PLD5: variants seen among roughly 807,000 people sequenced by gnomAD.
PLD5 encodes the protein phospholipase D family member 5.
In PLD5, 36 loss-of-function variants were observed where a neutral mutation model predicts 61.1. The observed-to-expected ratio is 0.59, with a 90% CI of 0.45 to 0.78. The LOEUF (loss-of-function observed/expected upper bound fraction) is 0.78, where lower values mean the gene tolerates loss of function less well. PLD5 is among the 30% of genes least tolerant of loss of function. PLD5 has a pLI of 0.00. For synonymous variants in PLD5, 243 were observed against 242.8 expected, an observed-to-expected ratio of 1.00 and a Z score of -0.01; for missense variants, 515 against 644.4, an observed-to-expected ratio of 0.80 and a Z score of 2.17.
chr1:242,264,127 G>A (rs564459822), intron 4 of PLD5, among the ~76,000 whole-genome samples: 1 of 152,030 alleles, frequency 6.6e-6, no homozygotes, highest in South Asian at 2.1e-4. Flanking sequence ...AAAAAAAAGT[G>A]TTCTCTAACA....
chr1:242,099,557 G>A (rs147628261), intron 9 of PLD5, among the ~76,000 whole-genome samples: 1,550 of 152,344 alleles, frequency 0.01, 13 homozygotes, highest in Non-Finnish European at 0.017. Flanking sequence ...TGCAGGGGCG[G>A]GAGGCAGTGG....
In PLD5 at chr1:242,105,225, T is replaced by TG. The variant is rs1470649249; in HGVS notation, c.1239+2445_1239+2446insC. ...GAATTGTTTGTACTGTGTGTTGGTT[T>TG]TTTTTTTTTTCCTTCAGAGACAGGG... On this transcript the variant is annotated intron_variant, in intron 8 of 9. Coordinates refer to ENST00000536534, the MANE Select transcript of PLD5 (RefSeq NM_001372062.1). 4.0e-5 allele frequency among the ~76,000 whole-genome samples: 6 copies of TG among 151,136 alleles called. No homozygotes were observed. The South Asian group carries it at 1.3e-3, about 32-fold the overall frequency.
chr1:242,493,667 G>A (rs965777769), intron 1 of PLD5, among the ~76,000 whole-genome samples: 1 of 152,044 alleles, frequency 6.6e-6, no homozygotes, highest in African/African-American at 2.4e-5. Context: ...CTGCCAGGAT[G>A]GGCCCTGTGG....
chr1:242,353,398 C>T (rs1372732368), intron 1 of PLD5, among the ~76,000 whole-genome samples: 2 of 152,054 alleles, frequency 1.3e-5, no homozygotes, highest in Non-Finnish European at 2.9e-5. Context: ...TTTGCCAGTA[C>T]TATGTTGCTT....
chr1:242,227,440 T>C (rs1382404438), intron 4 of PLD5, among the ~76,000 whole-genome samples: 1 of 152,072 alleles, frequency 6.6e-6, no homozygotes, highest in Non-Finnish European at 1.5e-5. Context: ...TCTTGGCTCA[T>C]TGCAACCTCT....
In PLD5 at chr1:242,425,331, TGAA is replaced by T. The variant is rs1288958237; in HGVS notation, c.190-77092_190-77090del. The stretch of plus-strand genomic sequence containing the variant: ...AAACCTGTGTAGCATGTAACTGTCC[TGAA>T]TACCGTAGGGAATTATAACACAATG... On this transcript the variant is annotated intron_variant, in intron 1 of 9. Transcript: ENST00000536534. 7.9e-5 allele frequency among the ~76,000 whole-genome samples: 12 copies of T among 152,320 alleles called. No homozygotes were observed. In the East Asian group the frequency reaches 2.3e-3, roughly 29 times the overall value.
intron 9 of PLD5, among the ~76,000 whole-genome samples, chr1:242,099,279 T>C (rs1275257714): frequency 1.3e-5 from 2 of 151,896 alleles, no homozygotes; most frequent in African/African-American, 4.8e-5. Context: ...CCCACCACCA[T>C]GTCCAGCAAA....
At chr1:242,431,676 G>A (rs770460276) in intron 1 of PLD5, among the ~76,000 whole-genome samples, 4 of 152,182 alleles carry the variant, frequency 2.6e-5, no homozygotes, top group Non-Finnish European at 4.4e-5. Flanking sequence ...TGTAAACAAG[G>A]TAATAGAAAT....
intron 5 of PLD5, among the ~76,000 whole-genome samples, chr1:242,140,812 A>T (rs1664105786): frequency 6.6e-6 from 1 of 151,826 alleles, no homozygotes; most frequent in South Asian, 2.1e-4. Context: ...TTGGCCTTAG[A>T]GGATGGGCTG....
chr1:242,340,293 A>T lies in PLD5; in HGVS notation c.326+7813T>A, dbSNP rs572291140. Among the ~76,000 whole-genome samples, 25 of 152,302 alleles carry T rather than the reference A, an allele frequency of 1.6e-4. No individual in the cohort carries two copies. The East Asian group carries it at 4.2e-3, about 26-fold the overall frequency. On this transcript the variant is annotated intron_variant, in intron 2 of 9. Transcript: ENST00000536534. ...TTTTCTTTTTTTAGGCAGTCAGAAG[A>T]GTGCTCAGATATCAAATAAGGAGCC...
chr1:242,499,875 A>G (rs1875759), intron 1 of PLD5, among the ~76,000 whole-genome samples: 12,186 of 152,188 alleles, frequency 0.08, 1,226 homozygotes, highest in African/African-American at 0.24. Context: ...TGACTGGAAT[A>G]GCTAACTACA....
chr1:242,397,731 C>A (rs1663676208), intron 1 of PLD5, among the ~76,000 whole-genome samples: 1 of 151,826 alleles, frequency 6.6e-6, no homozygotes, highest in South Asian at 2.1e-4. Context: ...AATATCATCT[C>A]CTGTGGGAAT....
intron 1 of PLD5, among the ~76,000 whole-genome samples, chr1:242,481,113 T>C (rs1451044788): frequency 6.6e-6 from 1 of 152,196 alleles, no homozygotes; most frequent in Non-Finnish European, 1.5e-5. Flanking sequence ...ACTGCTCCAG[T>C]GTACAGCTCC....
At chr1:242,302,629 G>A (rs1269351969) in intron 2 of PLD5, among the ~76,000 whole-genome samples, 2 of 152,200 alleles carry the variant, frequency 1.3e-5, no homozygotes, top group African/African-American at 2.4e-5. Flanking sequence ...TGAGGCAGGA[G>A]GATTGCTTGA....
At chr1:242,370,629 T>TAC in intron 1 of PLD5, among the ~76,000 whole-genome samples, 1 of 152,152 alleles carries the variant, frequency 6.6e-6, no homozygotes, top group Non-Finnish European at 1.5e-5. Context: ...AGTAGAGAAT[T>TAC]AGGGATTCCC....
rs1439332946 is a variant in PLD5 at position 242,290,003 on chromosome 1, C to T, written c.327-1473G>A. 2.7e-5 allele frequency among the ~76,000 whole-genome samples: 4 copies of T among 150,434 alleles called. No individual in the cohort carries two copies. In the Admixed American group the frequency reaches 2.7e-4, roughly 10 times the overall value. On this transcript the variant is annotated intron_variant, in intron 2 of 9. Coordinates refer to ENST00000536534, the MANE Select transcript of PLD5 (RefSeq NM_001372062.1). ...TTTTGGAGTCCAATCAGCCTATCAT[C>T]ACCCAAAAATTTATTTAAAATTTGT...
chr1:242,177,873 C>G (rs1667267498), intron 5 of PLD5: 1 of 152,214 alleles, frequency 6.6e-6, no homozygotes, highest in Admixed American at 6.5e-5. Context: ...GTCTACAAAC[C>G]CATCTGGGAC....
Position 242,432,063 on chromosome 1 carries a change from C to T in PLD5, c.190-83821G>A, listed in dbSNP as rs1263593005. Among the ~76,000 whole-genome samples, 7 of 152,116 alleles carry T rather than the reference C, an allele frequency of 4.6e-5. No homozygotes were observed. The East Asian group carries it at 5.8e-4, about 13-fold the overall frequency. ...GCACAACGGTAGTGGAAGTCAGGGG[C>T]GGTGGTTCATGGAATGATGAAAGTG... is the stretch of plus-strand genomic sequence containing the variant. On this transcript the variant is annotated intron_variant, in intron 1 of 9. Transcript: ENST00000536534.
At chr1:242,124,806 G>T in intron 5 of PLD5, 141 bp from the exon 6 acceptor site, 2 of 672,594 alleles carry the variant, frequency 3.0e-6, no homozygotes, top group Non-Finnish European at 4.8e-6. Context: ...TTACATTATG[G>T]TACATAGAGG....
Sources: allele counts gnomAD v4.1 joint callset (sites outside exome capture counted in the v4.1 genomes callset), GRCh38; gene constraint gnomAD v4.1.1; transcripts MANE v1.5; gene names NCBI Gene and HGNC (gene_info 2026-07-23, HGNC 2026-07-21).